The following AGBL4 variants were observed in gnomAD, a reference collection of about 807,000 sequenced individuals.
The protein encoded by AGBL4 is cytosolic carboxypeptidase 6.
In AGBL4, 58 loss-of-function variants were observed where a neutral mutation model predicts 66.4. The ratio of observed to expected loss-of-function variants is 0.87; its 90% confidence interval spans 0.71 to 1.09. AGBL4 has a LOEUF of 1.09. AGBL4 is among the 50% of genes least tolerant of loss of function. The pLI is 0.00. For missense variants in AGBL4, 579 were observed against 631.0 expected, an observed-to-expected ratio of 0.92 and a Z score of 0.88; for synonymous variants, 234 against 222.9, an observed-to-expected ratio of 1.05 and a Z score of -0.44.
intron 3 of AGBL4, among the ~76,000 whole-genome samples, chr1:49,512,370 G>A (rs1226409587): frequency 6.6e-6 from 1 of 151,914 alleles, no homozygotes; most frequent in Non-Finnish European, 1.5e-5. Flanking sequence ...TGCCTCATAG[G>A]TTGGCTCAGA....
At chr1:49,801,428 T>C (rs2147949080) in intron 2 of AGBL4, among the ~76,000 whole-genome samples, 1 of 152,312 alleles carries the variant, frequency 6.6e-6, no homozygotes, top group East Asian at 1.9e-4. Context: ...CCCAGACTCC[T>C]GGTCCACAGA....
chr1:49,392,648 G>C (rs901457032), intron 3 of AGBL4, among the ~76,000 whole-genome samples: 1 of 151,750 alleles, frequency 6.6e-6, no homozygotes. Context: ...CACGAGCCTT[G>C]TCACATGCCA....
chr1:48,768,823 GT>G (rs1421125607), intron 6 of AGBL4, among the ~76,000 whole-genome samples: 1 of 152,150 alleles, frequency 6.6e-6, no homozygotes, highest in Non-Finnish European at 1.5e-5. Flanking sequence ...ATCCTGTGCA[GT>G]TTTATGTTTG....
chr1:49,891,733 T>G (rs1420148025), intron 1 of AGBL4, among the ~76,000 whole-genome samples: 6 of 152,146 alleles, frequency 3.9e-5, no homozygotes, highest in Non-Finnish European at 8.8e-5. Flanking sequence ...CTCAACAGAA[T>G]TGATAAGACA....
At chr1:49,086,394 C>A (rs967584301) in intron 4 of AGBL4, among the ~76,000 whole-genome samples, 1 of 151,990 alleles carries the variant, frequency 6.6e-6, no homozygotes, top group Non-Finnish European at 1.5e-5. Flanking sequence ...GTGGGGGTGA[C>A]CTCACCCACC....
chr1:48,534,217 T>G lies in AGBL4; in HGVS notation c.1468A>C (p.Lys490Gln). The G allele has an allele frequency of 6.4e-7, 1 of 1,551,712 alleles. No homozygotes were observed. Among genetic ancestry groups the G allele is most frequent in the Non-Finnish European group, 8.7e-7 (1 of 1,146,950 alleles). Residue 490 changes from lysine to glutamine, a missense_variant, in exon 14 of 14, where the codon AAG becomes CAG. Lys to Gln is a moderately conservative substitution (Grantham distance 53). Transcript: ENST00000371839. The stretch of plus-strand genomic sequence containing the variant: ...TCTTTGTGGTTCACTGAGCTCTTCT[T>G]GTCCCCTTTGCTGTTGGGGTAGTTG... Reference protein sequence around the residue: ...ASNYPNSKGDKKSSVNHKDPS... With the variant: ...ASNYPNSKGDQKSSVNHKDPS...
intron 5 of AGBL4, among the ~76,000 whole-genome samples, chr1:48,950,687 G>T (rs1055763167): frequency 6.6e-6 from 1 of 152,118 alleles, no homozygotes; most frequent in Non-Finnish European, 1.5e-5. Flanking sequence ...AGACGAATGA[G>T]GATTCATCAG....
At chr1:49,542,072 T>C (rs1652083331) in intron 3 of AGBL4, among the ~76,000 whole-genome samples, 2 of 152,104 alleles carry the variant, frequency 1.3e-5, no homozygotes, top group Non-Finnish European at 2.9e-5. Flanking sequence ...TGGAGAACGT[T>C]TGTGTCTAGC....
intron 1 of AGBL4, among the ~76,000 whole-genome samples, chr1:49,862,788 C>T (rs1328403796): frequency 6.6e-6 from 1 of 152,092 alleles, no homozygotes; most frequent in Non-Finnish European, 1.5e-5. Flanking sequence ...AATAGTATGT[C>T]CAACAAAAAT....
chr1:49,398,452 G>A (rs1437780976), intron 3 of AGBL4, among the ~76,000 whole-genome samples: 1 of 151,668 alleles, frequency 6.6e-6, no homozygotes, highest in African/African-American at 2.4e-5. Flanking sequence ...CTTCAGCCTT[G>A]GACTGAATTA....
At chr1:48,700,905 C>G (rs1410988904) in intron 6 of AGBL4, among the ~76,000 whole-genome samples, 2 of 152,164 alleles carry the variant, frequency 1.3e-5, no homozygotes, top group African/African-American at 4.8e-5. Flanking sequence ...TTGTCTGACT[C>G]CACTATCTTT....
chr1:48,782,813 G>C (rs1276770681), intron 6 of AGBL4, among the ~76,000 whole-genome samples: 1 of 152,098 alleles, frequency 6.6e-6, no homozygotes, highest in African/African-American at 2.4e-5. Context: ...GTTCACTCTT[G>C]GTGTACGTTC....
At chr1:48,809,355 G>T (rs1479791463) in intron 6 of AGBL4, among the ~76,000 whole-genome samples, 2 of 152,212 alleles carry the variant, frequency 1.3e-5, no homozygotes, top group African/African-American at 2.4e-5. Context: ...CTGACAGCTT[G>T]ATATTATAAA....
chr1:49,682,173 C>T (rs905154112), intron 3 of AGBL4, among the ~76,000 whole-genome samples: 3 of 152,054 alleles, frequency 2.0e-5, no homozygotes, highest in South Asian at 4.2e-4. Context: ...TTTGGGAGGC[C>T]GAGGAGGGAG....
chr1:48,831,234 C>T (rs2148783923), intron 6 of AGBL4, among the ~76,000 whole-genome samples: 1 of 152,260 alleles, frequency 6.6e-6, no homozygotes, highest in African/African-American at 2.4e-5. Flanking sequence ...TTGGGCAAGT[C>T]ACCTCAGCTC....
At chr1:49,840,552 C>A (rs1230612806) in intron 2 of AGBL4, among the ~76,000 whole-genome samples, 1 of 152,038 alleles carries the variant, frequency 6.6e-6, no homozygotes, top group African/African-American at 2.4e-5. Flanking sequence ...CAAAAACTGG[C>A]ACAGACATGA....
intron 5 of AGBL4, among the ~76,000 whole-genome samples, chr1:48,950,122 T>G (rs188376242): frequency 1.4e-4 from 21 of 152,266 alleles, no homozygotes; most frequent in South Asian, 4.1e-4. Flanking sequence ...TTTTGAGACA[T>G]GTCTCACCCT....
At chr1:49,228,964 C>G (rs566234056) in intron 4 of AGBL4, among the ~76,000 whole-genome samples, 1 of 152,306 alleles carries the variant, frequency 6.6e-6, no homozygotes, top group South Asian at 2.1e-4. Context: ...CTCAGCTCAT[C>G]TTCTCCATTC....
chr1:49,534,077 A>G (rs1651366167), intron 3 of AGBL4, among the ~76,000 whole-genome samples: 2 of 151,442 alleles, frequency 1.3e-5, no homozygotes, highest in South Asian at 4.2e-4. Flanking sequence ...CATTTCTTGG[A>G]CATCAACTAA....
Sources: allele counts gnomAD v4.1 joint callset (sites outside exome capture counted in the v4.1 genomes callset), GRCh38; gene constraint gnomAD v4.1.1; transcripts MANE v1.5; gene names NCBI Gene and HGNC (gene_info 2026-07-23, HGNC 2026-07-21).